The following KRT4 variants were observed in gnomAD, a reference collection of about 807,000 sequenced individuals.
KRT4 encodes keratin, type II cytoskeletal 4.
KRT4 carries 47 observed loss-of-function variants against 50.6 expected under a neutral mutation model. The observed-to-expected ratio is 0.93, with a 90% CI of 0.73 to 1.18. KRT4 has a LOEUF of 1.18. KRT4 is among the 50% of genes most tolerant of loss of function. The pLI is 0.00. For synonymous variants in KRT4, 254 were observed against 251.2 expected (o/e 1.01, Z -0.10); for missense variants, 651 against 645.7 (o/e 1.01, Z -0.09).
At position 52,813,733 on chromosome 12, in the gene KRT4, AT is replaced by A; in HGVS notation, c.325del (p.Ile109PhefsTer50). On this transcript the variant is annotated frameshift_variant, in exon 1 of 9. Transcript: ENST00000551956. LOFTEE classifies it high-confidence loss of function. ...GCTCTGGTTGATGGTGACCTCCTGA[AT>A]TCCCCCAGCGGGGCAGACGGGGAAG... ...PGFPVCPAGG[I>X]QEVTINQSLL... 9.2e-7 allele frequency: 1 copy of A among 1,081,736 alleles called. No homozygotes were observed. The allele number at this position is 1,081,736 out of a possible 1,614,324, so 67.0% of individuals were successfully genotyped here. A position where few individuals can be genotyped will look rare whatever the true frequency, so the allele number is the denominator to read the frequency against.
chr12:52,812,037 C>G, intron 1 of KRT4, 60 bp from the exon 2 acceptor site: 1 of 1,360,194 alleles, frequency 7.4e-7, no homozygotes, highest in Non-Finnish European at 1.0e-6. Flanking sequence ...GGAGGGCCAG[C>G]CAAGGCAACA....
Position 52,808,854 on chromosome 12 carries a change from C to A in KRT4, c.835-4G>T, listed in dbSNP as rs767441876. 3.1e-6 allele frequency: 5 copies of A among 1,614,096 alleles called. No homozygotes were observed. In the Admixed American group the frequency reaches 6.7e-5, roughly 22 times the overall value. Reference sequence around the variant, plus strand: ...GGGTCTGCATCTGGGACAGCTCCTGCAGGGCAAATGTCTCACATCAGCCCC... The same window carrying A: ...GGGTCTGCATCTGGGACAGCTCCTGAAGGGCAAATGTCTCACATCAGCCCC... On this transcript the variant is annotated splice_region_variant and splice_polypyrimidine_tract_variant and intron_variant, in intron 4 of 8. Transcript: ENST00000551956.
chr12:52,807,611 G>T (rs1293748931), intron 7 of KRT4, 33 bp downstream of exon 7: 1 of 1,605,762 alleles, frequency 6.2e-7, no homozygotes, highest in Admixed American at 1.7e-5. Context: ...GACCTCTCTG[G>T]CCCTCATGTT....
intron 2 of KRT4, among the ~76,000 whole-genome samples, chr12:52,811,200 G>A (rs1385967197): frequency 6.6e-6 from 1 of 152,200 alleles, no homozygotes; most frequent in Non-Finnish European, 1.5e-5. Flanking sequence ...GAGAGACAGG[G>A]TTGGTATTTA....
chr12:52,809,380 C>G lies in KRT4; in HGVS notation c.834+3G>C, dbSNP rs760455093. 6.2e-7 allele frequency: 1 copy of G among 1,606,472 alleles called. No homozygotes were observed. The highest frequency in any genetic ancestry group is 8.5e-7 in the Non-Finnish European group (1 of 1,172,960). On this transcript the variant is annotated splice_donor_region_variant and intron_variant, in intron 4 of 8. Coordinates refer to ENST00000551956, the MANE Select transcript of KRT4 (RefSeq NM_002272.4). The stretch of plus-strand genomic sequence containing the variant: ...TGGATGGAGGGGAGGATGGAGCCCT[C>G]ACCGCATCATAGAGGACCTTCAGGA...
rs376603164 is a variant in KRT4, at chr12:52,808,773, C to T, written c.912G>A (p.Leu304=). Residue 304 remains leucine (L), a synonymous_variant, in exon 5 of 9, where the codon CTG becomes CTA. Transcript: ENST00000551956. ...CACGGACCTCGGCAATAATGCTGTC[C>T]AGGTCCAGGTTGCGGTTGTTGTCCA... ...LSMDNNRNLD[L]DSIIAEVRAQ... 2.2e-5 allele frequency: 36 copies of T among 1,614,038 alleles called. No homozygotes were observed. The highest frequency in any genetic ancestry group is 2.9e-5 in the Non-Finnish European group (34 of 1,180,032).
chr12:52,808,557 C>G, intron 5 of KRT4, 129 bp downstream of exon 5: 1 of 1,480,472 alleles, frequency 6.8e-7, no homozygotes, highest in South Asian at 1.1e-5. Context: ...AGACCAGGAC[C>G]AACGATGCCT....
intron 3 of KRT4, 101 bp downstream of exon 3, chr12:52,810,655 G>A: frequency 1.1e-6 from 1 of 929,214 alleles, no homozygotes; most frequent in South Asian, 1.3e-5. Context: ...AGTGAAGCAG[G>A]GATGAGGCAG....
At position 52,813,469 on chromosome 12, in the gene KRT4, G is replaced by T. The variant is rs547797564; in HGVS notation, c.462+128C>A. The T allele has an allele frequency of 1.4e-3, 1,156 of 827,614 alleles. 3 individuals carry two copies. The highest frequency in any genetic ancestry group is 2.0e-3 in the Non-Finnish European group (979 of 488,272). The allele number at this position is 827,614 out of a possible 1,614,324, so 51.3% of individuals were successfully genotyped here. On this transcript the variant is annotated intron_variant, in intron 1 of 8. Transcript: ENST00000551956. ...TCAAAGTCATGATGCCCCTTCAACA[G>T]CTGGAGAATTGGGGCCCAGGGAAGT...
rs7956809 is a variant in KRT4, at chr12:52,808,399, C to G, written c.1020G>C (p.Ser340=). The G allele has an allele frequency of 0.11, 185,081 of 1,613,800 alleles. 11,662 individuals carry two copies. Among genetic ancestry groups the G allele is most frequent in the Non-Finnish European group, 0.13 (150,402 of 1,179,930 alleles). Residue 340 remains serine, a synonymous_variant, in exon 6 of 9, where the codon TCG becomes TCC. Transcript: ENST00000551956. ...TCAGGTTGTCACCATGTTGGTCAAC[C>G]GAGATCTGGAGCTGCTGGACCTAAG... ...YQTKVQQLQI[S]VDQHGDNLKN...
At chr12:52,809,715 A>G (rs114917696) in intron 3 of KRT4, among the ~76,000 whole-genome samples, 162 of 152,332 alleles carry the variant, frequency 1.1e-3, no homozygotes, top group African/African-American at 3.6e-3. Context: ...AAGAACTAAA[A>G]ATAGAACTAC....
chr12:52,807,829 C>G lies in KRT4; in HGVS notation c.1161G>C (p.Glu387Asp). ...QTLQVSVADA[E>D]QRGENALKDA... ...CTTTAAGGGCATTCTCACCTCGCTG[C>G]TCTGCATCAGCCACGGATACCTGAA... The change falls in exon 7 of 9, where the codon GAG becomes GAC. Residue 387 changes from glutamate to aspartate, a missense_variant. Transcript: ENST00000551956. 6.2e-7 allele frequency: 1 copy of G among 1,614,120 alleles called. No homozygotes were observed. The highest frequency in any genetic ancestry group is 8.5e-7 in the Non-Finnish European group (1 of 1,180,050).
intron 1 of KRT4, 51 bp downstream of exon 1, chr12:52,813,546 T>G: frequency 6.6e-7 from 1 of 1,524,576 alleles, no homozygotes; most frequent in South Asian, 1.1e-5. Flanking sequence ...ACCCCAGGAC[T>G]CAGGACCCCT....
chr12:52,807,019 C>G lies in KRT4; in HGVS notation c.*50G>C. ...GTGAAGTGAAGGAAGCACAGAGACA[C>G]CAGTGCTGGGCCCAGCTGGACACAG... On this transcript the variant is annotated 3_prime_UTR_variant, in exon 9 of 9. Coordinates refer to ENST00000551956, the MANE Select transcript of KRT4 (RefSeq NM_002272.4). 6.4e-7 allele frequency: 1 copy of G among 1,556,176 alleles called. No individual in the cohort carries two copies. Among genetic ancestry groups the G allele is most frequent in the Non-Finnish European group, 8.9e-7 (1 of 1,127,522 alleles).
chr12:52,807,415 G>A lies in KRT4; in HGVS notation c.1347-22C>T, dbSNP rs566608202. 7.4e-5 allele frequency: 120 copies of A among 1,614,096 alleles called. 1 individual carries two copies. In the South Asian group the frequency reaches 1.3e-3, roughly 17 times the overall value. On this transcript the variant is annotated intron_variant, in intron 7 of 8. Transcript: ENST00000551956. ...CATTCTGTAGGGGAAAGAAAAGGCGGTGAGCCTCAGGGAGCACAGAATTTT... is the reference window on the plus strand; with the variant it reads ...CATTCTGTAGGGGAAAGAAAAGGCGATGAGCCTCAGGGAGCACAGAATTTT...
Position 52,810,756 on chromosome 12 carries a change from C to A in KRT4, c.738G>T (p.Lys246Asn). The A allele has an allele frequency of 6.2e-7, 1 of 1,613,916 alleles. No individual in the cohort carries two copies. The highest frequency in any genetic ancestry group is 1.3e-5 in the African/African-American group (1 of 75,026). ...AAENDFVVLK[K>N]DVDAAYLNKV... ...CTCCCTACCATCCTTCGTCTCTTAC[C>A]TTCTTTAGGACCACAAAGTCATTCT... Residue 246 changes from lysine (K) to asparagine (N), a missense_variant and splice_region_variant, in exon 3 of 9, where the codon AAG becomes AAT. Lys to Asn is a moderately conservative substitution (Grantham distance 94). Coordinates refer to ENST00000551956, the MANE Select transcript of KRT4 (RefSeq NM_002272.4).
intron 2 of KRT4, 164 bp from the exon 3 acceptor site, chr12:52,810,980 T>G: frequency 1.5e-6 from 1 of 646,972 alleles, no homozygotes; most frequent in Non-Finnish European, 2.8e-6. Context: ...CTATATTCAT[T>G]GAATATAGGA....
Position 52,814,107 on chromosome 12 carries a change from G to C in KRT4, c.-49C>G, listed in dbSNP as rs1277358915. ...CTATCAGAGAAGTGACAGGGCCCAG[G>C]CCGGTGAGTGCTGGAGCCCTCAGCC... On this transcript the variant is annotated 5_prime_UTR_variant, in exon 1 of 9. Transcript: ENST00000551956. The C allele has an allele frequency of 6.2e-7, 1 of 1,614,082 alleles. No individual in the cohort carries two copies. Among genetic ancestry groups the C allele is most frequent in the Admixed American group, 1.7e-5 (1 of 60,020 alleles).
chr12:52,810,061 T>C (rs1294295532), intron 3 of KRT4, among the ~76,000 whole-genome samples: 2 of 151,728 alleles, frequency 1.3e-5, no homozygotes, highest in East Asian at 1.9e-4. Context: ...CATGTGTACA[T>C]GTGGACATAG....
Sources: allele counts gnomAD v4.1 joint callset (sites outside exome capture counted in the v4.1 genomes callset), GRCh38; gene constraint gnomAD v4.1.1; transcripts MANE v1.5; gene names NCBI Gene and HGNC (gene_info 2026-07-23, HGNC 2026-07-21).